The following PPP1R12B variants were observed in gnomAD, a reference collection of about 807,000 sequenced individuals.
The protein encoded by PPP1R12B is myosin phosphatase target subunit 2.
In PPP1R12B, 76 loss-of-function variants were observed where a neutral mutation model predicts 126.1. That is an observed-to-expected ratio of 0.60 (90% CI 0.50 to 0.73). The LOEUF is 0.73. PPP1R12B is among the 30% of genes least tolerant of loss of function. PPP1R12B has a pLI of 0.00. For missense variants in PPP1R12B, 1,052 were observed against 1,205.1 expected, an observed-to-expected ratio of 0.87 and a Z score of 1.88; for synonymous variants, 356 against 434.7, an observed-to-expected ratio of 0.82 and a Z score of 2.25.
chr1:202,477,126 C>A (rs1405942626), intron 13 of PPP1R12B, among the ~76,000 whole-genome samples: 1 of 151,984 alleles, frequency 6.6e-6, no homozygotes, highest in East Asian at 1.9e-4. Flanking sequence ...CTTTATTTTC[C>A]AAATTATTAC....
At chr1:202,538,269 A>G (rs1277382250) in intron 18 of PPP1R12B, among the ~76,000 whole-genome samples, 1 of 152,204 alleles carries the variant, frequency 6.6e-6, no homozygotes, top group South Asian at 2.1e-4. Context: ...TGCTGGGATT[A>G]CAGGCGTGAG....
intron 18 of PPP1R12B, among the ~76,000 whole-genome samples, chr1:202,523,357 A>G (rs964660594): frequency 1.1e-4 from 17 of 152,236 alleles, no homozygotes; most frequent in Admixed American, 8.5e-4. Context: ...GATTGGATGG[A>G]GAAAGTACAG....
intron 23 of PPP1R12B, among the ~76,000 whole-genome samples, chr1:202,571,721 G>A (rs1011219412): frequency 6.6e-6 from 1 of 152,156 alleles, no homozygotes; most frequent in African/African-American, 2.4e-5. Flanking sequence ...CTCCCAAAGT[G>A]CTGTGATTAC....
At chr1:202,535,069 G>T (rs940811304) in intron 18 of PPP1R12B, among the ~76,000 whole-genome samples, 3 of 151,978 alleles carry the variant, frequency 2.0e-5, no homozygotes, top group African/African-American at 7.3e-5. Flanking sequence ...GTGTGTGTGT[G>T]TGTGTGTGTG....
chr1:202,371,984 GCCTCAGCCTCCC>G (rs2148453086), intron 1 of PPP1R12B, among the ~76,000 whole-genome samples: 1 of 148,038 alleles, frequency 6.8e-6, no homozygotes, highest in African/African-American at 2.5e-5. Flanking sequence ...TGATTCTCCT[GCCTCAGCCTCCC>G]GAGTAGCTGG....
intron 1 of PPP1R12B, among the ~76,000 whole-genome samples, chr1:202,396,027 C>T (rs1003033694): frequency 2.0e-5 from 3 of 152,210 alleles, no homozygotes; most frequent in African/African-American, 7.2e-5. Flanking sequence ...TCTGTATGCT[C>T]CTCACCCTTC....
chr1:202,381,830 A>G (rs1181191722), intron 1 of PPP1R12B, among the ~76,000 whole-genome samples: 4 of 152,212 alleles, frequency 2.6e-5, no homozygotes, highest in Non-Finnish European at 4.4e-5. Context: ...CAGAATTATT[A>G]GGGCAACAGT....
chr1:202,394,220 C>T (rs1429542822), intron 1 of PPP1R12B, among the ~76,000 whole-genome samples: 2 of 151,674 alleles, frequency 1.3e-5, no homozygotes, highest in African/African-American at 4.8e-5. Context: ...GAGATCGCAC[C>T]ACTGCTGAGA....
chr1:202,468,061 T>A (rs1675292175), intron 13 of PPP1R12B, among the ~76,000 whole-genome samples: 1 of 152,278 alleles, frequency 6.6e-6, no homozygotes, highest in African/African-American at 2.4e-5. Flanking sequence ...GCCCACTTTT[T>A]GATGGGGTTG....
chr1:202,439,670 C>T, intron 10 of PPP1R12B: 2 of 682,964 alleles, frequency 2.9e-6, no homozygotes, highest in Non-Finnish European at 5.2e-6. Flanking sequence ...GTCCGGCCCC[C>T]TTCTCCAAGT....
chr1:202,429,673 T>C (rs1819044), intron 6 of PPP1R12B, among the ~76,000 whole-genome samples: 66,067 of 152,032 alleles, frequency 0.43, 15,716 homozygotes, highest in East Asian at 0.71. Flanking sequence ...GAATAAAGAT[T>C]AATGACATTA....
intron 18 of PPP1R12B, among the ~76,000 whole-genome samples, chr1:202,536,337 A>G (rs1031609750): frequency 2.6e-5 from 4 of 152,230 alleles, no homozygotes; most frequent in Admixed American, 2.0e-4. Flanking sequence ...GCATGTTACT[A>G]TATTGAATAT....
At chr1:202,556,847 T>C (rs1558370353) in intron 18 of PPP1R12B, among the ~76,000 whole-genome samples, 1 of 152,208 alleles carries the variant, frequency 6.6e-6, no homozygotes, top group Non-Finnish European at 1.5e-5. Context: ...CAGGCTCAAT[T>C]ATTCACAAGT....
intron 18 of PPP1R12B, among the ~76,000 whole-genome samples, chr1:202,526,826 ACTTC>A (rs148037974): frequency 0.014 from 2,162 of 152,294 alleles, 62 homozygotes; most frequent in African/African-American, 0.05. Context: ...AAAAGTATAA[ACTTC>A]CTTGTAGATA....
intron 18 of PPP1R12B, among the ~76,000 whole-genome samples, chr1:202,511,619 A>G (rs1681520556): frequency 6.6e-6 from 1 of 151,984 alleles, no homozygotes; most frequent in Non-Finnish European, 1.5e-5. Flanking sequence ...CTTAGCTCCC[A>G]CTTTCAAGTG....
At chr1:202,579,539 C>T (rs1264535737) in intron 23 of PPP1R12B, among the ~76,000 whole-genome samples, 3 of 152,224 alleles carry the variant, frequency 2.0e-5, no homozygotes, top group African/African-American at 7.2e-5. Context: ...TTTTCAGATG[C>T]ACAGCGTACT....
chr1:202,358,203 T>C (rs1657465898), intron 1 of PPP1R12B, among the ~76,000 whole-genome samples: 1 of 152,200 alleles, frequency 6.6e-6, no homozygotes, highest in South Asian at 2.1e-4. Flanking sequence ...ATTGAGTGCT[T>C]GCCCAATTTG....
intron 18 of PPP1R12B, among the ~76,000 whole-genome samples, chr1:202,557,361 T>G (rs755310387): frequency 6.6e-6 from 1 of 152,124 alleles, no homozygotes; most frequent in East Asian, 1.9e-4. Context: ...AAAAAAAACT[T>G]AAGGTAAAGT....
chr1:202,390,349 C>T (rs1663936610), intron 1 of PPP1R12B, among the ~76,000 whole-genome samples: 1 of 152,024 alleles, frequency 6.6e-6, no homozygotes, highest in Admixed American at 6.5e-5. Flanking sequence ...TAATGTTTTC[C>T]ATGACCTCGG....
Sources: allele counts gnomAD v4.1 joint callset (sites outside exome capture counted in the v4.1 genomes callset), GRCh38; gene constraint gnomAD v4.1.1; transcripts MANE v1.5; gene names NCBI Gene and HGNC (gene_info 2026-07-23, HGNC 2026-07-21).